The following DNAH10 variants were observed in gnomAD, a reference collection of about 807,000 sequenced individuals.
DNAH10 encodes the protein dynein axonemal heavy chain 10, also known as axonemal beta dynein heavy chain 10.
Under a neutral mutation model 506.6 loss-of-function variants are expected in DNAH10, and 348 were observed. The observed-to-expected ratio is 0.69, with a 90% confidence interval of 0.63 to 0.75. The LOEUF (loss-of-function observed/expected upper bound fraction) is 0.75, where lower values mean the gene tolerates loss of function less well. Ranked by LOEUF, DNAH10 falls within the 30% of genes least tolerant of loss-of-function variation. The probability of loss-of-function intolerance (pLI) is 0.00; values close to 1 mark genes in which losing one functional copy is unlikely to be tolerated. For synonymous variants in DNAH10, 2,059 were observed against 2,198.6 expected (o/e 0.94, Z 1.78); for missense variants, 5,179 against 5,787.1 (o/e 0.89, Z 3.41).
At chr12:123,865,253 T>G (rs1170874416) in intron 40 of DNAH10, among the ~76,000 whole-genome samples, 1 of 136,096 alleles carries the variant, frequency 7.3e-6, no homozygotes, top group Non-Finnish European at 1.6e-5. Flanking sequence ...TTTGCCTTTA[T>G]TTTAATCTCA....
At chr12:123,894,803 G>A (rs759801154) in intron 54 of DNAH10, 80 bp downstream of exon 54, 7 of 1,292,786 alleles carry the variant, frequency 5.4e-6, no homozygotes, top group Non-Finnish European at 7.7e-6. Context: ...TTGAATTCTG[G>A]TCTTGTAGAT....
chr12:123,788,978 G>A (rs959756964), intron 10 of DNAH10, among the ~76,000 whole-genome samples: 2 of 151,848 alleles, frequency 1.3e-5, no homozygotes, highest in African/African-American at 4.8e-5. Flanking sequence ...GGCTAGATGC[G>A]GTGGCTCACG....
At chr12:123,873,385 A>G (rs1406574221) in intron 45 of DNAH10, among the ~76,000 whole-genome samples, 173 bp from the exon 46 acceptor site, 20 of 152,228 alleles carry the variant, frequency 1.3e-4, no homozygotes, top group Admixed American at 1.3e-3. Flanking sequence ...AGGAAAGAGG[A>G]ACTCTTACTT....
intron 36 of DNAH10, among the ~76,000 whole-genome samples, chr12:123,856,120 A>G (rs931188035): frequency 1.4e-5 from 2 of 147,360 alleles, no homozygotes; most frequent in Admixed American, 6.8e-5. Context: ...ATAACATTTT[A>G]TATACATTTA....
intron 73 of DNAH10, among the ~76,000 whole-genome samples, 198 bp from the exon 74 acceptor site, chr12:123,931,143 A>C (rs951303581): frequency 6.6e-6 from 1 of 152,138 alleles, no homozygotes; most frequent in African/African-American, 2.4e-5. Context: ...TGAGCCCAGG[A>C]GGTCGAGGCT....
intron 25 of DNAH10, among the ~76,000 whole-genome samples, chr12:123,828,465 C>T (rs1236321400): frequency 2.0e-5 from 3 of 152,154 alleles, no homozygotes; most frequent in Admixed American, 2.0e-4. Flanking sequence ...TGGACTGCTT[C>T]TGTGTCTCTC....
intron 18 of DNAH10, among the ~76,000 whole-genome samples, chr12:123,808,460 CCTGGAAAGGAT>C: frequency 6.6e-6 from 1 of 152,234 alleles, no homozygotes; most frequent in South Asian, 2.1e-4. Context: ...CTACTTTCAT[CCTGGAAAGGAT>C]GGAGCCAGTA....
intron 4 of DNAH10, among the ~76,000 whole-genome samples, chr12:123,773,718 C>A (rs1215263091): frequency 7.2e-5 from 11 of 152,294 alleles, no homozygotes; most frequent in Admixed American, 7.2e-4. Flanking sequence ...TCGTGAGACT[C>A]CACCCTCATG....
At chr12:123,793,589 C>T (rs1487723206) in intron 11 of DNAH10, among the ~76,000 whole-genome samples, 1 of 152,176 alleles carries the variant, frequency 6.6e-6, no homozygotes, top group Non-Finnish European at 1.5e-5. Context: ...CTGCCCGTCT[C>T]GGCCTCCCAA....
At chr12:123,878,077 T>C (rs1041599186) in intron 48 of DNAH10, among the ~76,000 whole-genome samples, 169 bp downstream of exon 48, 1 of 152,258 alleles carries the variant, frequency 6.6e-6, no homozygotes, top group Non-Finnish European at 1.5e-5. Flanking sequence ...TAAGGCTTGA[T>C]GCTTTGTAAG....
intron 61 of DNAH10, 33 bp from the exon 62 acceptor site, chr12:123,914,818 GA>G: frequency 6.2e-7 from 1 of 1,607,680 alleles, no homozygotes; most frequent in Non-Finnish European, 8.5e-7. Context: ...AAATTGGTGA[GA>G]AAAATTCATT....
chr12:123,901,350 T>C lies in DNAH10; in HGVS notation c.9641-1589T>C, dbSNP rs116696904. On this transcript the variant is annotated intron_variant, in intron 56 of 78. Coordinates refer to ENST00000673944, the MANE Select transcript of DNAH10 (RefSeq NM_001372106.1). ...CCTTTCTGCTTTTCTGTTCCGAAGGTTCCACACTCGTGATCTTGCTACCCT... is the reference window on the plus strand; with the variant it reads ...CCTTTCTGCTTTTCTGTTCCGAAGGCTCCACACTCGTGATCTTGCTACCCT... Among the ~76,000 whole-genome samples the C allele has an allele frequency of 4.6e-3, 707 of 152,250 alleles. 6 individuals carry two copies. Among genetic ancestry groups the C allele is most frequent in the African/African-American group, 0.016 (675 of 41,560 alleles).
chr12:123,810,021 A>C (rs889596696), intron 19 of DNAH10, among the ~76,000 whole-genome samples: 3 of 151,620 alleles, frequency 2.0e-5, no homozygotes, highest in Admixed American at 2.0e-4. Context: ...ACCTTTTCTT[A>C]TTTTTTTCCT....
At chr12:123,862,611 G>A (rs994413180) in intron 39 of DNAH10, among the ~76,000 whole-genome samples, 1 of 151,858 alleles carries the variant, frequency 6.6e-6, no homozygotes, top group Non-Finnish European at 1.5e-5. Context: ...GGCTTGTCTT[G>A]AACTCCTGGG....
At chr12:123,836,902 G>A (rs1961190511) in intron 28 of DNAH10, among the ~76,000 whole-genome samples, 1 of 151,466 alleles carries the variant, frequency 6.6e-6, no homozygotes, top group Non-Finnish European at 1.5e-5. Flanking sequence ...GCCCAGGCTG[G>A]AGTGCAGTGG....
rs1190646653 is a variant in DNAH10 at position 123,847,943 on chromosome 12, G to C, written c.5815-18G>C. On this transcript the variant is annotated intron_variant, in intron 32 of 78. Transcript: ENST00000673944. ...CTGTGCACCAGAAAACATATGTTTT[G>C]CATTTGGCTTATAACAGGCGCTGTC... 4 of 1,591,512 alleles carry C rather than the reference G, an allele frequency of 2.5e-6. No individual in the cohort carries two copies. In the Admixed American group the frequency reaches 7.3e-5, roughly 29 times the overall value.
intron 39 of DNAH10, among the ~76,000 whole-genome samples, chr12:123,862,575 G>C (rs1275283299): frequency 6.6e-6 from 1 of 151,714 alleles, no homozygotes; most frequent in African/African-American, 2.4e-5. Flanking sequence ...TTTTTTTGTA[G>C]AGACAGAGTC....
chr12:123,931,648 G>A lies in DNAH10; in HGVS notation c.12929G>A (p.Ser4310Asn). Residue 4310 changes from serine to asparagine, a missense_variant, in exon 75 of 79, where the codon AGT becomes AAT. Transcript: ENST00000673944. ...GTCCTGGTTTTAGGGGAATCCAGCA[G>A]TGGTATCAGCCGCGATGATTATATT... ...ELQPQTGESS[S>N]GISRDDYIGQ... 6.2e-7 allele frequency: 1 copy of A among 1,614,004 alleles called. No individual in the cohort carries two copies. Among genetic ancestry groups the A allele is most frequent in the Non-Finnish European group, 8.5e-7 (1 of 1,179,900 alleles).
At chr12:123,805,845 C>T (rs1440879041) in intron 18 of DNAH10, among the ~76,000 whole-genome samples, 2 of 149,214 alleles carry the variant, frequency 1.3e-5, no homozygotes, top group South Asian at 2.1e-4. Flanking sequence ...GGCATGATCT[C>T]GGCTCACTGC....
Sources: allele counts gnomAD v4.1 joint callset (sites outside exome capture counted in the v4.1 genomes callset), GRCh38; gene constraint gnomAD v4.1.1; transcripts MANE v1.5; gene names NCBI Gene and HGNC (gene_info 2026-07-23, HGNC 2026-07-21).